Variants in PAQR5 observed in about 807,000 individuals in gnomAD.
PAQR5 encodes membrane progestin receptor gamma.
In PAQR5, 20 loss-of-function variants were observed where a neutral mutation model predicts 34.5. That is an observed-to-expected ratio of 0.58 (90% CI 0.41 to 0.84). The LOEUF (loss-of-function observed/expected upper bound fraction) is 0.84. Ranked by LOEUF, PAQR5 falls within the 40% of genes least tolerant of loss-of-function variation. PAQR5 has a pLI of 0.00. For missense variants in PAQR5, 378 were observed against 412.7 expected, an observed-to-expected ratio of 0.92 and a Z score of 0.73; for synonymous variants, 131 against 155.6, an observed-to-expected ratio of 0.84 and a Z score of 1.18.
chr15:69,340,169 C>A (rs2054608613), intron 2 of PAQR5, among the ~76,000 whole-genome samples: 1 of 152,108 alleles, frequency 6.6e-6, no homozygotes, highest in East Asian at 1.9e-4. Flanking sequence ...CCCGGCCTCA[C>A]ATTAACACCT....
intron 3 of PAQR5, among the ~76,000 whole-genome samples, chr15:69,362,457 T>C (rs560754859): frequency 6.6e-6 from 1 of 152,322 alleles, no homozygotes; most frequent in South Asian, 2.1e-4. Context: ...TTAAAACAGA[T>C]GCACAGGTAT....
At chr15:69,325,067 T>G (rs930077725) in intron 1 of PAQR5, among the ~76,000 whole-genome samples, 2 of 152,036 alleles carry the variant, frequency 1.3e-5, no homozygotes, top group African/African-American at 4.8e-5. Flanking sequence ...CCCGGCTAAT[T>G]TTTGTATTTT....
At chr15:69,393,158 G>A (rs1250048549) in intron 6 of PAQR5, among the ~76,000 whole-genome samples, 1 of 113,564 alleles carries the variant, frequency 8.8e-6, no homozygotes, top group African/African-American at 3.5e-5. Flanking sequence ...CCACACTCTT[G>A]CACCCAAAGG....
intron 1 of PAQR5, among the ~76,000 whole-genome samples, chr15:69,315,933 C>G (rs1224690772): frequency 6.6e-6 from 1 of 152,076 alleles, no homozygotes. Context: ...GTCAGGAGCT[C>G]AAGGCCAGCC....
intron 1 of PAQR5, among the ~76,000 whole-genome samples, chr15:69,333,249 GCT>G (rs2054430277): frequency 6.6e-6 from 1 of 152,140 alleles, no homozygotes; most frequent in African/African-American, 2.4e-5. Flanking sequence ...TGGAAAAAAG[GCT>G]CTGTTTTCCT....
Position 69,360,116 on chromosome 15 carries a change from A to T in PAQR5, c.36A>T (p.Ile12=). Residue 12 remains isoleucine (I), a synonymous_variant, in exon 3 of 9, where the codon ATA becomes ATT. Transcript: ENST00000395407. ...LSLKLPRLFS[I]DQIPQVFHEQ... is the part of the protein sequence containing the mutation. ...TGAAGCTCCCCAGGCTGTTTAGCATAGACCAGATACCCCAGGTATGTGCTC... is the reference window on the plus strand; with the variant it reads ...TGAAGCTCCCCAGGCTGTTTAGCATTGACCAGATACCCCAGGTATGTGCTC... 6.2e-7 allele frequency: 1 copy of T among 1,613,620 alleles called. No homozygotes were observed. The highest frequency in any genetic ancestry group is 8.5e-7 in the Non-Finnish European group (1 of 1,179,562).
At chr15:69,395,170 G>A (rs1254153126) in intron 6 of PAQR5, among the ~76,000 whole-genome samples, 1 of 152,192 alleles carries the variant, frequency 6.6e-6, no homozygotes, top group Non-Finnish European at 1.5e-5. Context: ...GGCAGGGTCT[G>A]CCGGAGGACT....
intron 1 of PAQR5, among the ~76,000 whole-genome samples, chr15:69,316,359 G>A (rs191227537): frequency 3.2e-4 from 49 of 152,250 alleles, no homozygotes; most frequent in East Asian, 2.7e-3. Context: ...GGGATTACAG[G>A]CATGAGCCAC....
intron 1 of PAQR5, among the ~76,000 whole-genome samples, chr15:69,313,760 C>T (rs554292501): frequency 6.6e-6 from 1 of 152,070 alleles, no homozygotes; most frequent in African/African-American, 2.4e-5. Flanking sequence ...GACTGGTCAC[C>T]CTGGGGTGGG....
chr15:69,346,297 A>ATTTTTTTTTT (rs34728909), intron 2 of PAQR5, among the ~76,000 whole-genome samples: 5 of 81,494 alleles, frequency 6.1e-5, no homozygotes, highest in Non-Finnish European at 1.0e-4. Context: ...ATATTTTGTA[A>ATTTTTTTTTT]TTTTTTTTTT....
chr15:69,348,135 G>C (rs2054821394), intron 2 of PAQR5, among the ~76,000 whole-genome samples: 1 of 152,114 alleles, frequency 6.6e-6, no homozygotes, highest in Admixed American at 6.5e-5. Flanking sequence ...TACTGGCTGT[G>C]TGATCTCGGG....
chr15:69,331,348 T>A (rs995686565), intron 1 of PAQR5, among the ~76,000 whole-genome samples: 2 of 152,208 alleles, frequency 1.3e-5, no homozygotes, highest in East Asian at 3.9e-4. Flanking sequence ...AGAAGAGTCT[T>A]GGTTTGAGAG....
In PAQR5 at chr15:69,363,540, TTTGTTTTTG is replaced by T. The variant is rs1191532973; in HGVS notation, c.51+3412_51+3420del. ...CGAGTGTCAAATTGCTAATCTGTTT[TTTGTTTTTG>T]TTTTTTTTTTTTTTTGAGACAGAGT... On this transcript the variant is annotated intron_variant, in intron 3 of 8. Coordinates refer to ENST00000395407, the MANE Select transcript of PAQR5 (RefSeq NM_017705.4). Among the ~76,000 whole-genome samples the T allele has an allele frequency of 5.0e-4, 13 of 26,246 alleles. 1 individual carries two copies. Among genetic ancestry groups the T allele is most frequent in the Non-Finnish European group, 1.3e-3 (9 of 6,736 alleles). 17.2% of individuals were successfully genotyped at this position (26,246 alleles called of 152,430 possible). A position where few individuals can be genotyped will look rare whatever the true frequency, so the allele number is the denominator to read the frequency against.
intron 6 of PAQR5, chr15:69,391,343 G>C (rs1230933606): frequency 6.4e-6 from 1 of 156,050 alleles, no homozygotes; most frequent in African/African-American, 2.4e-5. Context: ...TTTTTAAATG[G>C]AAGGATAGAT....
At chr15:69,323,729 A>C (rs1174290571) in intron 1 of PAQR5, among the ~76,000 whole-genome samples, 2 of 152,234 alleles carry the variant, frequency 1.3e-5, no homozygotes, top group Non-Finnish European at 2.9e-5. Flanking sequence ...GAGTAAAGCA[A>C]ATCCCTAGAT....
intron 3 of PAQR5, among the ~76,000 whole-genome samples, chr15:69,377,227 G>T (rs2055732041): frequency 6.6e-6 from 1 of 152,224 alleles, no homozygotes; most frequent in Non-Finnish European, 1.5e-5. Context: ...TTGAAAGGTA[G>T]AAGGATAGAC....
At chr15:69,345,250 C>T (rs1363940482) in intron 2 of PAQR5, among the ~76,000 whole-genome samples, 2 of 152,148 alleles carry the variant, frequency 1.3e-5, no homozygotes, top group African/African-American at 4.8e-5. Context: ...TGCCTAACTA[C>T]ATTAGTGAAT....
intron 1 of PAQR5, among the ~76,000 whole-genome samples, chr15:69,308,544 A>G (rs2053765589): frequency 6.6e-6 from 1 of 152,108 alleles, no homozygotes; most frequent in African/African-American, 2.4e-5. Flanking sequence ...GCCAGTAGCC[A>G]CACACACCCC....
At chr15:69,350,703 C>A (rs577189490) in intron 2 of PAQR5, among the ~76,000 whole-genome samples, 1 of 151,324 alleles carries the variant, frequency 6.6e-6, no homozygotes, top group African/African-American at 2.4e-5. Flanking sequence ...AACAAAAAAA[C>A]CAGAGTGTAA....
Sources: gnomAD v4.1 joint callset for allele counts (sites outside exome capture counted in the v4.1 genomes callset) on GRCh38, gnomAD v4.1.1 for gene constraint, MANE v1.5 for transcripts, NCBI Gene and HGNC (gene_info 2026-07-23, HGNC 2026-07-21) for gene names.